The following MBP variants were observed in gnomAD, a reference collection of about 807,000 sequenced individuals.
MBP encodes myelin basic protein.
Under a neutral mutation model 35.8 loss-of-function variants are expected in MBP, and 16 were observed. That is an observed-to-expected ratio of 0.45 (90% confidence interval 0.30 to 0.68). The LOEUF is 0.68. Ranked by LOEUF, MBP falls within the 30% of genes least tolerant of loss-of-function variation. The probability of loss-of-function intolerance (pLI) is 0.08; values close to 1 mark genes in which losing one functional copy is unlikely to be tolerated. For missense variants in MBP, 380 were observed against 404.7 expected (o/e 0.94, Z 0.52); for synonymous variants, 143 against 159.6 (o/e 0.90, Z 0.78).
chr18:76,981,547 T>C (rs890423629), intron 8 of MBP: 2 of 152,218 alleles, frequency 1.3e-5, no homozygotes, highest in East Asian at 3.9e-4. Flanking sequence ...AACAAGCCTC[T>C]ATGTTGTGCT....
chr18:77,098,459 G>A (rs1975860623), intron 2 of MBP, among the ~76,000 whole-genome samples: 1 of 152,144 alleles, frequency 6.6e-6, no homozygotes, highest in African/African-American at 2.4e-5. Flanking sequence ...TAATATGTGT[G>A]TGTGGGGATG....
chr18:77,011,276 T>G (rs1365624121), intron 4 of MBP, among the ~76,000 whole-genome samples: 1 of 152,086 alleles, frequency 6.6e-6, no homozygotes, highest in African/African-American at 2.4e-5. Context: ...CCTGCGGGAG[T>G]TGCTGTGCTG....
At chr18:77,036,281 C>A (rs519582) in intron 3 of MBP, among the ~76,000 whole-genome samples, 25 of 121,658 alleles carry the variant, frequency 2.1e-4, no homozygotes, top group African/African-American at 8.6e-4. Flanking sequence ...CTGAGCTGAG[C>A]AAGTGCTGGT....
chr18:76,982,471 T>G (rs1192633370), intron 8 of MBP: 2 of 152,236 alleles, frequency 1.3e-5, no homozygotes, highest in African/African-American at 2.4e-5. Flanking sequence ...AACATTCACA[T>G]GTATGTTCGT....
intron 4 of MBP, among the ~76,000 whole-genome samples, chr18:76,997,165 A>G (rs1337484860): frequency 6.6e-6 from 1 of 152,160 alleles, no homozygotes; most frequent in African/African-American, 2.4e-5. Flanking sequence ...CTCCAGCTAG[A>G]TTTTAATCTT....
intron 3 of MBP, among the ~76,000 whole-genome samples, chr18:77,049,263 CCTGA>C (rs1454819490): frequency 1.3e-5 from 2 of 152,130 alleles, no homozygotes; most frequent in African/African-American, 4.8e-5. Flanking sequence ...TGTACTCCTG[CCTGA>C]CGCGGTTTCT....
At chr18:77,037,667 G>C (rs1053299108) in intron 3 of MBP, among the ~76,000 whole-genome samples, 4 of 152,306 alleles carry the variant, frequency 2.6e-5, no homozygotes, top group Admixed American at 1.3e-4. Flanking sequence ...ACCAGCCTTC[G>C]CCTTTTCTCT....
chr18:77,008,267 C>T (rs563710194), intron 4 of MBP, among the ~76,000 whole-genome samples: 1 of 152,262 alleles, frequency 6.6e-6, no homozygotes, highest in South Asian at 2.1e-4. Context: ...TCGGTGCCTC[C>T]CAGGCAGGGG....
intron 3 of MBP, among the ~76,000 whole-genome samples, chr18:77,027,424 G>T (rs968230913): frequency 4.6e-5 from 7 of 152,204 alleles, no homozygotes; most frequent in African/African-American, 1.7e-4. Flanking sequence ...AGGCTGCAAC[G>T]TCTAGCCCTG....
intron 4 of MBP, among the ~76,000 whole-genome samples, chr18:77,007,501 A>G (rs912240259): frequency 6.6e-6 from 1 of 152,228 alleles, no homozygotes; most frequent in African/African-American, 2.4e-5. Context: ...TGAGGCCTCT[A>G]GCACGCATCC....
rs78771880 is a variant in MBP, at chr18:77,077,570, G to C, written c.52-11185C>G. On this transcript the variant is annotated intron_variant, in intron 2 of 8. Coordinates refer to ENST00000355994, the MANE Select transcript of MBP (RefSeq NM_001025101.2). ...AAGAAAAGACACAGCATAGCCCTGT[G>C]GTGGGGCAGGGTCCTTGCTTGGACT... is the stretch of plus-strand genomic sequence containing the variant. Among the ~76,000 whole-genome samples, 547 of 152,236 alleles carry C rather than the reference G, an allele frequency of 3.6e-3. 1 individual carries two copies. Among genetic ancestry groups the C allele is most frequent in the South Asian group, 7.9e-3 (38 of 4,820 alleles).
intron 3 of MBP, among the ~76,000 whole-genome samples, chr18:77,052,325 G>C (rs576121246): frequency 6.6e-6 from 1 of 152,288 alleles, no homozygotes; most frequent in South Asian, 2.1e-4. Context: ...GCAGCATCCC[G>C]ATCGGGGGGG....
chr18:77,107,134 A>G (rs1203052615), intron 1 of MBP, among the ~76,000 whole-genome samples: 1 of 152,214 alleles, frequency 6.6e-6, no homozygotes. Context: ...CACATTATAG[A>G]ATAAAAACAT....
rs549213850 is a variant in MBP at position 77,102,684 on chromosome 18, G to A, written c.51+2527C>T. 6.6e-6 allele frequency among the ~76,000 whole-genome samples: 1 copy of A among 152,294 alleles called. No homozygotes were observed. Among genetic ancestry groups the A allele is most frequent in the African/African-American group, 2.4e-5 (1 of 41,580 alleles). On this transcript the variant is annotated intron_variant, in intron 2 of 8. Transcript: ENST00000355994. The surrounding 1 kb of genome is among the most constrained non-coding windows in gnomAD (Gnocchi z 4.4). ...TTAAACAAATTAAAAACATATGTGG[G>A]TGTTTTACAGCGTCAAACAACAGGA...
At chr18:77,084,119 A>G (rs779581363) in intron 2 of MBP, among the ~76,000 whole-genome samples, 3 of 152,110 alleles carry the variant, frequency 2.0e-5, no homozygotes, top group Non-Finnish European at 4.4e-5. Context: ...GGAACTCAGG[A>G]AGCCATTTTC....
At chr18:77,103,263 C>T (rs561036914) in intron 2 of MBP, among the ~76,000 whole-genome samples, 4 of 152,298 alleles carry the variant, frequency 2.6e-5, no homozygotes, top group Admixed American at 6.5e-5. Context: ...AAACGCACTA[C>T]AGACCTCAGC....
intron 4 of MBP, among the ~76,000 whole-genome samples, chr18:76,991,699 A>C (rs1014752033): frequency 2.0e-5 from 3 of 152,178 alleles, no homozygotes; most frequent in African/African-American, 7.2e-5. Flanking sequence ...GGCAGGAATG[A>C]ATTTCTGGAG....
At chr18:77,015,074 A>G in intron 4 of MBP, 4 of 982,738 alleles carry the variant, frequency 4.1e-6, no homozygotes, top group Non-Finnish European at 4.8e-6. Context: ...TTAAGACAAT[A>G]AAGGCTGTAA....
chr18:76,998,447 T>A (rs982211572), intron 4 of MBP, among the ~76,000 whole-genome samples: 2 of 152,328 alleles, frequency 1.3e-5, no homozygotes, highest in African/African-American at 4.8e-5. Context: ...TTCCACCTTC[T>A]GGCTCTAGTT....
Sources: gnomAD v4.1 joint callset for allele counts (sites outside exome capture counted in the v4.1 genomes callset) on GRCh38, gnomAD v4.1.1 for gene constraint, Gnocchi (gnomAD v3.1) non-coding constraint, MANE v1.5 for transcripts, NCBI Gene and HGNC (gene_info 2026-07-23, HGNC 2026-07-21) for gene names.